Variants in RFWD3 observed in about 807,000 individuals in gnomAD.
RFWD3 encodes the protein ring finger and WD repeat domain 3, also known as E3 ubiquitin-protein ligase RFWD3.
In RFWD3, 65 loss-of-function variants were observed where a neutral mutation model predicts 87.7. That is an observed-to-expected ratio of 0.74 (90% CI 0.61 to 0.91). RFWD3 has a LOEUF of 0.91. RFWD3 is among the 40% of genes least tolerant of loss of function. The pLI is 0.00. For synonymous variants in RFWD3, 433 were observed against 352.8 expected (o/e 1.23, Z -2.55); for missense variants, 1,078 against 938.5 (o/e 1.15, Z -1.94).
At chr16:74,637,997 G>A (rs568814502) in intron 6 of RFWD3, 27 bp from the exon 7 acceptor site, 2 of 1,532,540 alleles carry the variant, frequency 1.3e-6, no homozygotes, top group East Asian at 4.5e-5. Context: ...AGCAACAAGT[G>A]GGGATTAGGA....
At chr16:74,655,147 C>A (rs985966410) in intron 2 of RFWD3, among the ~76,000 whole-genome samples, 4 of 152,182 alleles carry the variant, frequency 2.6e-5, no homozygotes, top group Admixed American at 6.5e-5. Context: ...AGGACTTTTG[C>A]AGCTACAGAG....
chr16:74,651,254 A>G lies in RFWD3; in HGVS notation c.721+666T>C, dbSNP rs28561398. ...AAATAAAGTTCCACTTGCATAACACATAACATTATACTAGGACTTGAAAGT... is the reference window on the plus strand; with the variant it reads ...AAATAAAGTTCCACTTGCATAACACGTAACATTATACTAGGACTTGAAAGT... On this transcript the variant is annotated intron_variant, in intron 3 of 12. Transcript: ENST00000361070. Among the ~76,000 whole-genome samples the G allele has an allele frequency of 4.6e-3, 701 of 152,326 alleles. 7 individuals are homozygous for G. The highest frequency in any genetic ancestry group is 0.017 in the African/African-American group (687 of 41,578).
intron 2 of RFWD3, among the ~76,000 whole-genome samples, chr16:74,659,478 C>A (rs1961258685): frequency 6.6e-6 from 1 of 152,142 alleles, no homozygotes; most frequent in Non-Finnish European, 1.5e-5. Context: ...GCCTGCAATC[C>A]CAGCTACTTA....
intron 9 of RFWD3, 109 bp from the exon 10 acceptor site, chr16:74,631,066 C>A: frequency 1.1e-6 from 1 of 936,044 alleles, no homozygotes; most frequent in East Asian, 2.8e-5. Flanking sequence ...AGAACACACT[C>A]ATACTCCCAA....
chr16:74,647,709 A>T (rs746525574), intron 4 of RFWD3, among the ~76,000 whole-genome samples: 1 of 152,116 alleles, frequency 6.6e-6, no homozygotes, highest in East Asian at 1.9e-4. Context: ...CTCCTATCTC[A>T]GCCTCCTGAG....
chr16:74,656,076 G>C (rs1160328107), intron 2 of RFWD3, among the ~76,000 whole-genome samples: 1 of 151,838 alleles, frequency 6.6e-6, no homozygotes, highest in Non-Finnish European at 1.5e-5. Context: ...AAGAAATAAG[G>C]CCAGACACAG....
chr16:74,650,296 C>T (rs1481510241), intron 3 of RFWD3, among the ~76,000 whole-genome samples: 1 of 150,888 alleles, frequency 6.6e-6, no homozygotes, highest in South Asian at 2.1e-4. Context: ...CCTCCACCCC[C>T]GTTTCTACAA....
Position 74,632,646 on chromosome 16 carries a change from GCAGTACTCAA to G in RFWD3, c.1444_1453del (p.Leu482ProfsTer3), listed in dbSNP as rs772286324. 6.2e-7 allele frequency: 1 copy of G among 1,614,010 alleles called. No individual in the cohort carries two copies. The highest frequency in any genetic ancestry group is 8.5e-7 in the Non-Finnish European group (1 of 1,179,958). On this transcript the variant is annotated frameshift_variant, in exon 9 of 13. Transcript: ENST00000361070. LOFTEE classifies it high-confidence loss of function. ...AATGTACTGACTGCTCTTCATGTTG[GCAGTACTCAA>G]CATCTTAACACCAAAGCCTGAAAAA...
chr16:74,636,562 TAA>T lies in RFWD3; in HGVS notation c.1208_1209del (p.Leu403HisfsTer54). On this transcript the variant is annotated frameshift_variant, in exon 8 of 13. Coordinates refer to ENST00000361070, the MANE Select transcript of RFWD3 (RefSeq NM_018124.4). LOFTEE classifies it high-confidence loss of function. The stretch of plus-strand genomic sequence containing the variant: ...TGTAAATTCTGACTTTGATGTGACG[TAA>T]GTTTTTGCAAGTCCTAAAATGAAAA... Reference protein sequence around the residue: ...LQRRVQDLQKLTSHQSQNLQQ... With the variant: ...LQRRVQDLQKXTSHQSQNLQQ... 1 of 1,613,046 alleles carries T rather than the reference TAA, an allele frequency of 6.2e-7. No homozygotes were observed.
chr16:74,624,199 C>A, intron 12 of RFWD3, 128 bp from the exon 13 acceptor site: 1 of 1,136,076 alleles, frequency 8.8e-7, no homozygotes, highest in Non-Finnish European at 1.2e-6. Context: ...GCAGGCTGTC[C>A]CTAACCTTTG....
chr16:74,666,032 G>A (rs570690593), intron 1 of RFWD3, among the ~76,000 whole-genome samples: 11 of 152,174 alleles, frequency 7.2e-5, no homozygotes, highest in African/African-American at 2.6e-4. Flanking sequence ...ACAGGAAAAA[G>A]GGAGGAAGAG....
rs779404005 is a variant in RFWD3, at chr16:74,632,595, C to G, written c.1505G>C (p.Gly502Ala). 1.4e-5 allele frequency: 22 copies of G among 1,613,996 alleles called. No homozygotes were observed. Among genetic ancestry groups the G allele is most frequent in the African/African-American group, 2.7e-5 (2 of 74,908 alleles). Residue 502 changes from glycine (G) to alanine (A), a missense_variant, in exon 9 of 13, where the codon GGA becomes GCA. Physicochemically the swap from Gly to Ala is moderately conservative, Grantham distance 60. Coordinates refer to ENST00000361070, the MANE Select transcript of RFWD3 (RefSeq NM_018124.4). ...YIPMHGKQIR[G>A]LAFSSYLRGL... ...TCTGAGGTAACTGCTAAACGCCAGT[C>G]CACGGATCTGTTTGCCATGCATCGG...
At chr16:74,648,474 T>G (rs1173627499) in intron 4 of RFWD3, among the ~76,000 whole-genome samples, 1 of 150,374 alleles carries the variant, frequency 6.7e-6, no homozygotes, top group Non-Finnish European at 1.5e-5. Flanking sequence ...AACCTTTTAT[T>G]TAAAAGGATA....
At chr16:74,631,535 T>G (rs1204551056) in intron 9 of RFWD3, among the ~76,000 whole-genome samples, 1 of 152,126 alleles carries the variant, frequency 6.6e-6, no homozygotes, top group Non-Finnish European at 1.5e-5. Context: ...TTTTCTACCT[T>G]ATTTTTAAAA....
chr16:74,628,223 A>G (rs369694217), intron 11 of RFWD3, among the ~76,000 whole-genome samples: 6 of 152,268 alleles, frequency 3.9e-5, no homozygotes, highest in African/African-American at 1.4e-4. Context: ...ATTCACTTCC[A>G]GGAGTACCTG....
intron 8 of RFWD3, among the ~76,000 whole-genome samples, chr16:74,635,307 A>G (rs1024927827): frequency 6.7e-6 from 1 of 148,592 alleles, no homozygotes; most frequent in Non-Finnish European, 1.5e-5. Context: ...AATAAAAAAT[A>G]AAAAAAAAAA....
intron 3 of RFWD3, 58 bp from the exon 4 acceptor site, chr16:74,649,260 G>T: frequency 7.9e-7 from 1 of 1,263,602 alleles, no homozygotes; most frequent in Non-Finnish European, 1.1e-6. Flanking sequence ...AGATATGTCA[G>T]GTATGAGAAG....
intron 4 of RFWD3, among the ~76,000 whole-genome samples, chr16:74,646,064 T>C (rs1397073665): frequency 1.3e-5 from 2 of 152,050 alleles, no homozygotes; most frequent in African/African-American, 4.8e-5. Context: ...AAATATATTC[T>C]AAGATAATTA....
At chr16:74,656,328 A>C (rs12927586) in intron 2 of RFWD3, among the ~76,000 whole-genome samples, 1 of 151,132 alleles carries the variant, frequency 6.6e-6, no homozygotes, top group African/African-American at 2.4e-5. Context: ...AAAAAAAAAA[A>C]AAAGAAAAGA....
Sources: gnomAD v4.1 joint callset for allele counts (sites outside exome capture counted in the v4.1 genomes callset) on GRCh38, gnomAD v4.1.1 for gene constraint, MANE v1.5 for transcripts, NCBI Gene and HGNC (gene_info 2026-07-23, HGNC 2026-07-21) for gene names.